Variants in STPG2 observed in about 807,000 individuals in gnomAD.
STPG2 encodes the protein sperm tail PG-rich repeat containing 2.
A neutral mutation model predicts 54.2 loss-of-function variants in STPG2; 56 were observed. The observed-to-expected ratio is 1.03, with a 90% CI of 0.83 to 1.29. The LOEUF is 1.29. Ranked by LOEUF, STPG2 falls within the 50% of genes most tolerant of loss-of-function variation. The pLI is 0.00. For synonymous variants in STPG2, 200 were observed against 181.8 expected (o/e 1.10, Z -0.81); for missense variants, 596 against 544.9 (o/e 1.09, Z -0.93).
intron 6 of STPG2, among the ~76,000 whole-genome samples, chr4:97,977,293 A>G (rs1734530814): frequency 6.6e-6 from 1 of 152,218 alleles, no homozygotes; most frequent in Non-Finnish European, 1.5e-5. Context: ...TGCTATAACT[A>G]ATCAAATTGC....
rs963169393 is a variant in STPG2 at position 97,453,746 on chromosome 4, C to T, written c.462+258953G>A. ...GGAATTAGTGTGGTATCATTGAAAACAATATACTGGAGTCCGACTAGTATT... is the reference window on the plus strand; with the variant it reads ...GGAATTAGTGTGGTATCATTGAAAATAATATACTGGAGTCCGACTAGTATT... On this transcript the variant is annotated intron_variant, in intron 4 of 4. Transcript: ENST00000522676. Among the ~76,000 whole-genome samples the T allele has an allele frequency of 7.2e-5, 11 of 152,194 alleles. No individual in the cohort carries two copies. The East Asian group carries it at 1.5e-3, about 21-fold the overall frequency.
At chr4:97,918,198 C>G (rs772864078) in intron 8 of STPG2, among the ~76,000 whole-genome samples, 1 of 152,108 alleles carries the variant, frequency 6.6e-6, no homozygotes, top group Non-Finnish European at 1.5e-5. Flanking sequence ...TTATACCTAT[C>G]TTTTCCAACA....
At chr4:98,108,008 G>T in intron 4 of STPG2, among the ~76,000 whole-genome samples, 1 of 152,052 alleles carries the variant, frequency 6.6e-6, no homozygotes, top group Non-Finnish European at 1.5e-5. Context: ...AAATACAAAG[G>T]TATATATTCC....
At chr4:97,809,034 G>A (rs1727658632) in intron 9 of STPG2, among the ~76,000 whole-genome samples, 1 of 151,994 alleles carries the variant, frequency 6.6e-6, no homozygotes, top group Non-Finnish European at 1.5e-5. Flanking sequence ...GAAAAGACAA[G>A]ACAATGAATG....
At chr4:97,609,905 T>C (rs1040090649) in intron 10 of STPG2, among the ~76,000 whole-genome samples, 4 of 151,888 alleles carry the variant, frequency 2.6e-5, no homozygotes, top group African/African-American at 9.7e-5. Context: ...TGATTTATCA[T>C]CAGTAAAAAC....
rs962530529 is a variant in STPG2 at position 97,799,542 on chromosome 4, C to G, written c.1204+41231G>C. ...CTCTTCTGGCTTGTAGAGTTTCTGC[C>G]GAGAGATCCGCTGTTAGTCTGATGG... is the stretch of plus-strand genomic sequence containing the variant. On this transcript the variant is annotated intron_variant, in intron 9 of 10. Transcript: ENST00000295268. Among the ~76,000 whole-genome samples the G allele has an allele frequency of 2.0e-5, 3 of 152,108 alleles. No individual in the cohort carries two copies. The East Asian group carries it at 5.8e-4, about 29-fold the overall frequency.
chr4:97,985,032 C>T (rs918979464), intron 5 of STPG2, among the ~76,000 whole-genome samples: 1 of 145,368 alleles, frequency 6.9e-6, no homozygotes, highest in Non-Finnish European at 1.5e-5. Flanking sequence ...TCCTATTTTC[C>T]TATCTTTTTT....
intron 9 of STPG2, among the ~76,000 whole-genome samples, chr4:97,778,375 C>T (rs1036222167): frequency 2.0e-5 from 3 of 152,108 alleles, no homozygotes; most frequent in Non-Finnish European, 4.4e-5. Context: ...AAGGTGGCAG[C>T]GAGGCTGGGG....
intron 10 of STPG2, among the ~76,000 whole-genome samples, chr4:97,672,838 A>C (rs1331916672): frequency 6.6e-6 from 1 of 152,238 alleles, no homozygotes; most frequent in African/African-American, 2.4e-5. Context: ...AGAATGTAAA[A>C]TTCACATTAA....
chr4:98,075,626 T>A (rs1190149888), intron 5 of STPG2, among the ~76,000 whole-genome samples: 1 of 152,196 alleles, frequency 6.6e-6, no homozygotes, highest in East Asian at 1.9e-4. Context: ...TTATCAAGCT[T>A]CTATAGTTGT....
At chr4:97,853,881 G>A (rs573780021) in intron 8 of STPG2, among the ~76,000 whole-genome samples, 13 of 152,096 alleles carry the variant, frequency 8.5e-5, no homozygotes, top group East Asian at 3.9e-4. Flanking sequence ...TCCTGGGCTC[G>A]AGAGCTCCTC....
intron 9 of STPG2, among the ~76,000 whole-genome samples, chr4:97,718,572 A>T (rs1724360765): frequency 1.3e-5 from 2 of 152,148 alleles, no homozygotes; most frequent in Non-Finnish European, 1.5e-5. Flanking sequence ...TATGTTATAG[A>T]TGAAATGAAT....
At chr4:97,696,390 C>A (rs1348169166) in intron 10 of STPG2, among the ~76,000 whole-genome samples, 1 of 152,184 alleles carries the variant, frequency 6.6e-6, no homozygotes, top group African/African-American at 2.4e-5. Flanking sequence ...GGATCAAAGT[C>A]TTGAATCTGA....
At chr4:97,828,867 C>A (rs1420817154) in intron 9 of STPG2, among the ~76,000 whole-genome samples, 1 of 152,146 alleles carries the variant, frequency 6.6e-6, no homozygotes, top group Non-Finnish European at 1.5e-5. Flanking sequence ...AAGGCAGCTG[C>A]CCTGGTTAGG....
At chr4:97,574,890 A>C (rs2148886348) in intron 10 of STPG2, among the ~76,000 whole-genome samples, 1 of 152,158 alleles carries the variant, frequency 6.6e-6, no homozygotes, top group Middle Eastern at 3.4e-3. Context: ...AATTTTATTT[A>C]ATAGTTAATC....
At chr4:97,891,863 G>A (rs941487311) in intron 8 of STPG2, among the ~76,000 whole-genome samples, 1 of 151,986 alleles carries the variant, frequency 6.6e-6, no homozygotes. Flanking sequence ...AATTACAAAA[G>A]CAGAAAAAAT....
At chr4:98,137,160 A>C (rs1324309875) in intron 1 of STPG2, among the ~76,000 whole-genome samples, 1 of 151,814 alleles carries the variant, frequency 6.6e-6, no homozygotes, top group Non-Finnish European at 1.5e-5. Flanking sequence ...AAAAGTTATA[A>C]CATGCATCCA....
chr4:97,843,116 A>T (rs544445760), intron 8 of STPG2, among the ~76,000 whole-genome samples: 4 of 151,932 alleles, frequency 2.6e-5, no homozygotes, highest in Non-Finnish European at 4.4e-5. Context: ...TACATCATAG[A>T]AAATAAAGAA....
chr4:97,564,339 G>C (rs1578391603), intron 10 of STPG2, among the ~76,000 whole-genome samples: 1 of 152,140 alleles, frequency 6.6e-6, no homozygotes, highest in Non-Finnish European at 1.5e-5. Flanking sequence ...CTGCATGTGA[G>C]ATGGGTTTCC....
Sources: allele counts gnomAD v4.1 joint callset (sites outside exome capture counted in the v4.1 genomes callset), GRCh38; gene constraint gnomAD v4.1.1; transcripts MANE v1.5; gene names NCBI Gene and HGNC (gene_info 2026-07-23, HGNC 2026-07-21).